The following PDZD2 variants were observed in gnomAD, a reference collection of about 807,000 sequenced individuals.
The protein encoded by PDZD2 is PDZ domain-containing protein 2.
A neutral mutation model predicts 220.7 loss-of-function variants in PDZD2; 90 were observed. The observed-to-expected ratio is 0.41, with a 90% confidence interval of 0.34 to 0.49. The LOEUF (loss-of-function observed/expected upper bound fraction) is 0.49, where lower values mean the gene tolerates loss of function less well. PDZD2 is among the 20% of genes least tolerant of loss of function. PDZD2 has a pLI of 0.28. For missense variants in PDZD2, 3,174 were observed against 3,608.5 expected (o/e 0.88, Z 3.08); for synonymous variants, 1,375 against 1,450.5 (o/e 0.95, Z 1.18).
rs373577417 is a variant in PDZD2 at position 31,787,876 on chromosome 5, G to A, written c.-360-11013G>A. ...AAGTGCACCTTCCATGGGTCTTTAC[G>A]CATTTTATTGTTGCTGTTTATTTTA... On this transcript the variant is annotated intron_variant, in intron 1 of 24. Transcript: ENST00000438447. Among the ~76,000 whole-genome samples, 5 of 152,122 alleles carry A rather than the reference G, an allele frequency of 3.3e-5. No homozygotes were observed. The East Asian group carries it at 5.8e-4, about 18-fold the overall frequency.
chr5:32,063,617 A>G lies in PDZD2; in HGVS notation c.2451+2483A>G, dbSNP rs112499518. On this transcript the variant is annotated intron_variant, in intron 14 of 24. Transcript: ENST00000438447. ...GATTCAGATCATCTATTCTCATCCTATATCAAATTCATTACCTAAACATTT... is the reference window on the plus strand; with the variant it reads ...GATTCAGATCATCTATTCTCATCCTGTATCAAATTCATTACCTAAACATTT... Among the ~76,000 whole-genome samples the G allele has an allele frequency of 2.3e-3, 345 of 152,308 alleles. 1 individual carries two copies. Among genetic ancestry groups the G allele is most frequent in the Non-Finnish European group, 4.2e-3 (285 of 68,022 alleles).
At chr5:31,895,528 T>C (rs1021639841) in intron 2 of PDZD2, among the ~76,000 whole-genome samples, 6 of 152,210 alleles carry the variant, frequency 3.9e-5, no homozygotes, top group East Asian at 1.9e-4. Context: ...CAGCCTATGA[T>C]ATTTTGTGAT....
At chr5:31,726,521 C>T (rs1177838761) in intron 1 of PDZD2, among the ~76,000 whole-genome samples, 1 of 152,128 alleles carries the variant, frequency 6.6e-6, no homozygotes, top group African/African-American at 2.4e-5. Context: ...AAGAGCGAAA[C>T]TCCATCTCCA....
chr5:31,731,032 C>T (rs1274512485), intron 1 of PDZD2, among the ~76,000 whole-genome samples: 1 of 152,126 alleles, frequency 6.6e-6, no homozygotes, highest in Admixed American at 6.5e-5. Flanking sequence ...GTTTGAGCTC[C>T]CAAGGTATTT....
chr5:31,729,791 A>C (rs1288700714), intron 1 of PDZD2, among the ~76,000 whole-genome samples: 1 of 152,106 alleles, frequency 6.6e-6, no homozygotes, highest in Non-Finnish European at 1.5e-5. Flanking sequence ...GTATCTCAAG[A>C]GTCATACCTA....
At chr5:31,808,251 GA>G (rs1177989698) in intron 2 of PDZD2, among the ~76,000 whole-genome samples, 2 of 152,328 alleles carry the variant, frequency 1.3e-5, no homozygotes, top group East Asian at 3.9e-4. Flanking sequence ...AGACATTAAG[GA>G]AAGGTGAAAT....
chr5:31,863,158 T>TTG, intron 2 of PDZD2, among the ~76,000 whole-genome samples: 1 of 152,242 alleles, frequency 6.6e-6, no homozygotes, highest in Non-Finnish European at 1.5e-5. Flanking sequence ...GTGCTGGGCT[T>TTG]ACAGCCATGA....
intron 2 of PDZD2, chr5:31,847,943 A>G (rs1049769395): frequency 4.4e-6 from 2 of 454,450 alleles, no homozygotes; most frequent in Non-Finnish European, 8.6e-6. Flanking sequence ...CTCTCAATAC[A>G]TAAAGAACAG....
chr5:32,098,503 T>C lies in PDZD2; in HGVS notation c.8087T>C (p.Leu2696Pro), dbSNP rs1561595481. 1 of 1,614,190 alleles carries C rather than the reference T, an allele frequency of 6.2e-7. No individual in the cohort carries two copies. Among genetic ancestry groups the C allele is most frequent in the Admixed American group, 1.7e-5 (1 of 60,018 alleles). Residue 2696 changes from leucine to proline, a missense_variant, in exon 23 of 25, where the codon CTG becomes CCG. This residue lies in a region of PDZD2 where 631 missense variants were observed against 789.9 expected (regional missense o/e 0.80). Coordinates refer to ENST00000438447, the MANE Select transcript of PDZD2 (RefSeq NM_178140.4). This position sits in a 1 kb window ranked among gnomAD's most constrained non-coding sequence, Gnocchi z 4.1. ...CTGAAGGTTCTGCACCAGGCACAGC[T>C]GCACAAAGATGCCCTCGTGGTCATC... is the stretch of plus-strand genomic sequence containing the variant. ...NVLKVLHQAQ[L>P]HKDALVVIKK...
At chr5:31,947,394 C>T (rs1177408792) in intron 2 of PDZD2, among the ~76,000 whole-genome samples, 1 of 152,230 alleles carries the variant, frequency 6.6e-6, no homozygotes, top group Non-Finnish European at 1.5e-5. Context: ...CATCCTGATG[C>T]TTCCACAGCT....
Position 31,849,925 on chromosome 5 carries a change from T to TC in PDZD2, c.476+50201_476+50202insC, listed in dbSNP as rs1441771780. Among the ~76,000 whole-genome samples, 15 of 29,888 alleles carry TC rather than the reference T, an allele frequency of 5.0e-4. 5 individuals carry two copies. Among genetic ancestry groups the TC allele is most frequent in the African/African-American group, 2.7e-3 (13 of 4,866 alleles). 19.6% of individuals were successfully genotyped at this position (29,888 alleles called of 152,430 possible). On this transcript the variant is annotated intron_variant, in intron 2 of 24. Coordinates refer to ENST00000438447, the MANE Select transcript of PDZD2 (RefSeq NM_178140.4). ...ATATACATATATATATATACATATA[T>TC]ATATATACACATATATATATATACA...
At chr5:31,958,099 C>T (rs1295200154) in intron 2 of PDZD2, among the ~76,000 whole-genome samples, 1 of 151,806 alleles carries the variant, frequency 6.6e-6, no homozygotes, top group African/African-American at 2.4e-5. Context: ...GGTAATTTTT[C>T]TTAGAATTTT....
intron 14 of PDZD2, among the ~76,000 whole-genome samples, chr5:32,067,674 T>A (rs1302056017): frequency 6.6e-6 from 1 of 152,192 alleles, no homozygotes; most frequent in Non-Finnish European, 1.5e-5. Context: ...TTCTAAGTTT[T>A]AAATACTCCT....
chr5:31,983,476 A>G lies in PDZD2; in HGVS notation c.798A>G (p.Leu266=), dbSNP rs1159749619. The change falls in exon 3 of 25, where the codon CTA becomes CTG. Residue 266 remains leucine, a synonymous_variant. Coordinates refer to ENST00000438447, the MANE Select transcript of PDZD2 (RefSeq NM_178140.4). ...PELGNGHVFQ[L]ENGPDSLKEV... Reference sequence around the variant, plus strand: ...TTGGAAACGGCCATGTCTTTCAGCTAGAAAATGGCCCAGATTCTCTCAAGG... The same window carrying G: ...TTGGAAACGGCCATGTCTTTCAGCTGGAAAATGGCCCAGATTCTCTCAAGG... 1 of 1,614,244 alleles carries G rather than the reference A, an allele frequency of 6.2e-7. No homozygotes were observed. The highest frequency in any genetic ancestry group is 8.5e-7 in the Non-Finnish European group (1 of 1,180,044).
intron 2 of PDZD2, among the ~76,000 whole-genome samples, chr5:31,980,824 C>G (rs1159215332): frequency 6.6e-6 from 1 of 152,158 alleles, no homozygotes; most frequent in Non-Finnish European, 1.5e-5. Context: ...TGCTCTGTCG[C>G]CCAGGCTGGA....
chr5:31,943,758 CTCTT>C (rs374886220), intron 2 of PDZD2, among the ~76,000 whole-genome samples: 4 of 152,210 alleles, frequency 2.6e-5, no homozygotes, highest in African/African-American at 9.6e-5. Context: ...GCACAACACT[CTCTT>C]TATTCCTTTT....
At chr5:32,030,324 C>T (rs1755023631) in intron 6 of PDZD2, among the ~76,000 whole-genome samples, 1 of 152,200 alleles carries the variant, frequency 6.6e-6, no homozygotes, top group African/African-American at 2.4e-5. Flanking sequence ...GCTTGTGCCC[C>T]TAATGAGCTA....
At chr5:32,091,270 TC>T in intron 20 of PDZD2, 95 bp downstream of exon 20, 1 of 736,618 alleles carries the variant, frequency 1.4e-6, no homozygotes, top group Non-Finnish European at 2.0e-6. Context: ...AATGCAGAGT[TC>T]CCACTTACTT....
chr5:31,777,041 A>T (rs1752702598), intron 1 of PDZD2, among the ~76,000 whole-genome samples: 1 of 152,024 alleles, frequency 6.6e-6, no homozygotes, highest in Non-Finnish European at 1.5e-5. Context: ...GCACTGTGGG[A>T]GCCCCTCTCT....
Sources: gnomAD v4.1 joint callset for allele counts (sites outside exome capture counted in the v4.1 genomes callset) on GRCh38, gnomAD v4.1.1 for gene constraint, gnomAD v4.1.1 regional missense constraint, Gnocchi (gnomAD v3.1) non-coding constraint, MANE v1.5 for transcripts, NCBI Gene and HGNC (gene_info 2026-07-23, HGNC 2026-07-21) for gene names.